The following CCDC192 variants were observed in gnomAD, a reference collection of about 807,000 sequenced individuals.
The protein encoded by CCDC192 is coiled-coil domain-containing protein 192.
intron 3 of CCDC192, among the ~76,000 whole-genome samples, chr5:127,778,920 G>A (rs565540888): frequency 1.3e-5 from 2 of 151,970 alleles, no homozygotes; most frequent in South Asian, 2.1e-4. Flanking sequence ...GTTCATACTA[G>A]TATCTTATAA....
chr5:127,844,467 C>T (rs1271390445), intron 5 of CCDC192, among the ~76,000 whole-genome samples: 3 of 152,112 alleles, frequency 2.0e-5, no homozygotes, highest in Non-Finnish European at 4.4e-5. Flanking sequence ...GAATAGAGCC[C>T]GAGTTCTAGA....
chr5:127,755,132 C>G (rs958361036), intron 3 of CCDC192, among the ~76,000 whole-genome samples: 10 of 151,990 alleles, frequency 6.6e-5, no homozygotes, highest in African/African-American at 2.2e-4. Context: ...TGGTGACAGT[C>G]AGTGAAGGGA....
At chr5:127,898,265 C>T (rs1013793133) in intron 6 of CCDC192, among the ~76,000 whole-genome samples, 4 of 152,088 alleles carry the variant, frequency 2.6e-5, no homozygotes, top group African/African-American at 4.8e-5. Flanking sequence ...CCCACCAACA[C>T]GCATGGCTAA....
rs1187127710 is a variant in CCDC192, at chr5:127,880,427, G to A, written c.535+4766G>A. 3.9e-5 allele frequency among the ~76,000 whole-genome samples: 5 copies of A among 128,782 alleles called. No individual in the cohort carries two copies. In the South Asian group the frequency reaches 1.2e-3, roughly 32 times the overall value. The allele number at this position is 128,782 out of a possible 152,430, so 84.5% of individuals were successfully genotyped here. On this transcript the variant is annotated intron_variant, in intron 6 of 6. Transcript: ENST00000514853. ...TGAGATCACATGGACACAGGAAGGG[G>A]AATATCACACTCTGGGGACTGTGGT...
intron 5 of CCDC192, among the ~76,000 whole-genome samples, chr5:127,852,557 G>T (rs988665710): frequency 6.6e-6 from 1 of 152,176 alleles, no homozygotes; most frequent in Non-Finnish European, 1.5e-5. Context: ...GTCCCAGGTT[G>T]TCCCAACCAG....
chr5:127,823,375 A>G (rs987285976), intron 5 of CCDC192, among the ~76,000 whole-genome samples: 5 of 152,254 alleles, frequency 3.3e-5, no homozygotes, highest in African/African-American at 4.8e-5. Context: ...AGGTTGATCT[A>G]TTTGCCCTTG....
At chr5:127,728,405 G>T (rs548950369) in intron 2 of CCDC192, among the ~76,000 whole-genome samples, 1 of 152,258 alleles carries the variant, frequency 6.6e-6, no homozygotes, top group Admixed American at 6.5e-5. Flanking sequence ...CATTCTAAAA[G>T]AAAAGAATTT....
chr5:127,817,814 G>A (rs1294737504), intron 5 of CCDC192, among the ~76,000 whole-genome samples: 2 of 152,076 alleles, frequency 1.3e-5, no homozygotes, highest in African/African-American at 4.8e-5. Flanking sequence ...ATTTCCCAAA[G>A]AATCTAAATG....
intron 3 of CCDC192, among the ~76,000 whole-genome samples, chr5:127,767,848 G>T (rs1182423576): frequency 6.6e-6 from 1 of 152,172 alleles, no homozygotes; most frequent in Non-Finnish European, 1.5e-5. Flanking sequence ...ACGTGAGGGT[G>T]TTATGGATTA....
chr5:127,737,122 A>G (rs947461893), intron 2 of CCDC192, among the ~76,000 whole-genome samples: 85 of 151,642 alleles, frequency 5.6e-4, no homozygotes, highest in African/African-American at 2.0e-3. Flanking sequence ...AGATTCTGGT[A>G]TGTTGTGTCT....
chr5:127,723,362 A>C (rs559152159), intron 2 of CCDC192, among the ~76,000 whole-genome samples: 2 of 152,206 alleles, frequency 1.3e-5, no homozygotes, highest in African/African-American at 4.8e-5. Flanking sequence ...TTTTTTATGA[A>C]GTCTTTAGGT....
intron 6 of CCDC192, among the ~76,000 whole-genome samples, chr5:127,889,335 CTT>C (rs1752662187): frequency 6.6e-6 from 1 of 151,970 alleles, no homozygotes; most frequent in African/African-American, 2.4e-5. Context: ...AGTAAATACT[CTT>C]ATCCCTTTTA....
intron 3 of CCDC192, among the ~76,000 whole-genome samples, chr5:127,793,393 A>T (rs550737377): frequency 2.0e-5 from 3 of 152,334 alleles, no homozygotes; most frequent in African/African-American, 7.2e-5. Flanking sequence ...ATTCTAAGGT[A>T]TTAGAAAAAA....
At chr5:127,864,100 C>T (rs2127111055) in intron 5 of CCDC192, among the ~76,000 whole-genome samples, 1 of 152,260 alleles carries the variant, frequency 6.6e-6, no homozygotes, top group Middle Eastern at 3.4e-3. Flanking sequence ...TTGTCGCTCC[C>T]ACTATTACAA....
rs746797678 is a variant in CCDC192 at position 127,910,599 on chromosome 5, G to A, written c.536-30583G>A. Among the ~76,000 whole-genome samples, 4 of 152,306 alleles carry A rather than the reference G, an allele frequency of 2.6e-5. No individual in the cohort carries two copies. The South Asian group carries it at 6.2e-4, about 24-fold the overall frequency. ...CAGAACTGAACAAATATGTAGAAGC[G>A]TAAATAACTGAATGTAGCACAATTC... On this transcript the variant is annotated intron_variant, in intron 6 of 6. Coordinates refer to ENST00000514853, the MANE Select transcript of CCDC192 (RefSeq NM_001317938.2).
chr5:127,878,267 G>T (rs1328910134), intron 6 of CCDC192, among the ~76,000 whole-genome samples: 1 of 152,220 alleles, frequency 6.6e-6, no homozygotes, highest in Non-Finnish European at 1.5e-5. Context: ...CCTAGCTTAG[G>T]TTGGGTACCC....
At position 127,743,040 on chromosome 5, in the gene CCDC192, T is replaced by C. The variant is rs543072251; in HGVS notation, c.115-11228T>C. Among the ~76,000 whole-genome samples, 23 of 152,162 alleles carry C rather than the reference T, an allele frequency of 1.5e-4. 1 individual carries two copies. The East Asian group carries it at 2.5e-3, about 17-fold the overall frequency. On this transcript the variant is annotated intron_variant, in intron 2 of 6. Coordinates refer to ENST00000514853, the MANE Select transcript of CCDC192 (RefSeq NM_001317938.2). ...AGGGAACGCTGATCTCGCTGGACAT[T>C]TATTTGGGTTCTCTTGCCCTCTGGC...
intron 2 of CCDC192, among the ~76,000 whole-genome samples, chr5:127,744,108 A>T (rs972092337): frequency 7.6e-6 from 1 of 131,044 alleles, no homozygotes; most frequent in Non-Finnish European, 1.8e-5. Flanking sequence ...AAAAAAAAAA[A>T]AGGAAAAAAA....
intron 6 of CCDC192, among the ~76,000 whole-genome samples, chr5:127,887,284 G>A (rs549324308): frequency 2.9e-5 from 4 of 135,774 alleles, no homozygotes; most frequent in African/African-American, 5.6e-5. Context: ...AGCCGAGATC[G>A]TGCCACTGCA....
Sources: gnomAD v4.1 joint callset for allele counts (sites outside exome capture counted in the v4.1 genomes callset) on GRCh38, gnomAD v4.1.1 for gene constraint, MANE v1.5 for transcripts, NCBI Gene and HGNC (gene_info 2026-07-23, HGNC 2026-07-21) for gene names.